CLASP2: variants seen among roughly 807,000 people sequenced by gnomAD.
CLASP2 encodes the protein cytoplasmic linker associated protein 2.
A neutral mutation model predicts 194.4 loss-of-function variants in CLASP2; 47 were observed. That is an observed-to-expected ratio of 0.24 (90% CI 0.19 to 0.31). CLASP2 has a LOEUF of 0.31. Among genes scored for constraint, CLASP2 ranks in the 10% least tolerant of loss-of-function variants. The probability of loss-of-function intolerance (pLI) is 1.00; values close to 1 mark genes in which losing one functional copy is unlikely to be tolerated. For missense variants in CLASP2, 1,445 were observed against 1,823.6 expected, an observed-to-expected ratio of 0.79 and a Z score of 3.78; for synonymous variants, 619 against 633.5, an observed-to-expected ratio of 0.98 and a Z score of 0.34.
chr3:33,534,374 G>A (rs9816463), intron 34 of CLASP2, among the ~76,000 whole-genome samples: 8,240 of 151,942 alleles, frequency 0.054, 712 homozygotes, highest in African/African-American at 0.19. Context: ...CCAGCCTAGG[G>A]AACATAGGGA....
At chr3:33,518,108 T>C (rs1254160993) in intron 34 of CLASP2, among the ~76,000 whole-genome samples, 1 of 152,264 alleles carries the variant, frequency 6.6e-6, no homozygotes, top group Non-Finnish European at 1.5e-5. Flanking sequence ...CTGATTATCC[T>C]GAAATACAGT....
intron 24 of CLASP2, among the ~76,000 whole-genome samples, chr3:33,573,778 T>C (rs1211882547): frequency 1.3e-5 from 2 of 152,162 alleles, no homozygotes; most frequent in Non-Finnish European, 2.9e-5. Flanking sequence ...ACATTTTCCA[T>C]GTATAAAGTT....
intron 34 of CLASP2, among the ~76,000 whole-genome samples, chr3:33,520,133 C>A (rs908761357): frequency 1.3e-5 from 2 of 152,160 alleles, no homozygotes; most frequent in Non-Finnish European, 2.9e-5. Context: ...CGTGCCTCAG[C>A]CTCCCAAGTA....
intron 35 of CLASP2, among the ~76,000 whole-genome samples, chr3:33,516,719 CTAA>C (rs1289120950): frequency 1.3e-5 from 2 of 152,128 alleles, no homozygotes; most frequent in African/African-American, 4.8e-5. Context: ...TCCTGAACAA[CTAA>C]TCTAAATATG....
chr3:33,513,045 G>A (rs141955426), intron 36 of CLASP2, among the ~76,000 whole-genome samples: 3 of 152,164 alleles, frequency 2.0e-5, no homozygotes, highest in East Asian at 1.9e-4. Context: ...TACACTGGAC[G>A]TTAGAAGACC....
chr3:33,671,851 G>C (rs902778165), intron 6 of CLASP2, among the ~76,000 whole-genome samples: 1 of 152,198 alleles, frequency 6.6e-6, no homozygotes, highest in Admixed American at 6.5e-5. Flanking sequence ...TAGCACAGCA[G>C]TCTGAGATCA....
At position 33,575,443 on chromosome 3, in the gene CLASP2, C is replaced by A. The variant is rs969985080; in HGVS notation, c.2454+726G>T. Among the ~76,000 whole-genome samples the A allele has an allele frequency of 2.6e-5, 4 of 152,086 alleles. No homozygotes were observed. The East Asian group carries it at 5.8e-4, about 22-fold the overall frequency. On this transcript the variant is annotated intron_variant, in intron 24 of 38. Transcript: ENST00000682230. ...TTCAAAACAAAGATGAGGCCTCTTA[C>A]AAGTTCTGGGTAAGAAGCTGAGTAA...
intron 10 of CLASP2, among the ~76,000 whole-genome samples, chr3:33,625,449 G>C (rs924675350): frequency 1.3e-5 from 2 of 150,754 alleles, no homozygotes; most frequent in African/African-American, 4.9e-5. Context: ...AAATATCTGA[G>C]CAACTATTTA....
chr3:33,684,487 CTT>C, intron 5 of CLASP2, 31 bp from the exon 6 acceptor site: 1 of 1,389,944 alleles, frequency 7.2e-7, no homozygotes, highest in Admixed American at 1.9e-5. Context: ...TTTTAATAAA[CTT>C]ATATATGATA....
At chr3:33,535,977 C>A (rs1309611085) in intron 33 of CLASP2, among the ~76,000 whole-genome samples, 4 of 149,950 alleles carry the variant, frequency 2.7e-5, no homozygotes, top group Non-Finnish European at 1.5e-5. Context: ...GGAAGGATGC[C>A]AAAAGAATTT....
At chr3:33,651,719 GTGTGATCTTGGCT>G (rs1212914458) in intron 7 of CLASP2, among the ~76,000 whole-genome samples, 1 of 148,702 alleles carries the variant, frequency 6.7e-6, no homozygotes, top group Non-Finnish European at 1.5e-5. Context: ...GAGTGCAATG[GTGTGATCTTGGCT>G]CACTGCAACC....
chr3:33,651,594 T>C (rs996232670), intron 7 of CLASP2, among the ~76,000 whole-genome samples: 9 of 151,972 alleles, frequency 5.9e-5, no homozygotes, highest in African/African-American at 1.9e-4. Flanking sequence ...TTGTCCTTTT[T>C]TTTTCTTTTT....
At chr3:33,570,823 T>G in intron 25 of CLASP2, 33 bp from the exon 26 acceptor site, 1 of 1,521,422 alleles carries the variant, frequency 6.6e-7, no homozygotes, top group Non-Finnish European at 8.9e-7. Flanking sequence ...AATTAATATC[T>G]TGCTGTAGCA....
chr3:33,531,768 TC>T (rs769954518), intron 34 of CLASP2, among the ~76,000 whole-genome samples: 19 of 152,114 alleles, frequency 1.2e-4, no homozygotes, highest in Non-Finnish European at 2.4e-4. Context: ...AGAGCGAAAC[TC>T]TGTCTCAAAA....
At chr3:33,672,517 A>C (rs1168872620) in intron 6 of CLASP2, among the ~76,000 whole-genome samples, 2 of 152,234 alleles carry the variant, frequency 1.3e-5, no homozygotes, top group Non-Finnish European at 2.9e-5. Flanking sequence ...GAAGAACTGG[A>C]AACTCTAAAA....
chr3:33,533,829 T>C (rs1465491832), intron 34 of CLASP2, among the ~76,000 whole-genome samples: 2 of 152,142 alleles, frequency 1.3e-5, no homozygotes, highest in Non-Finnish European at 1.5e-5. Flanking sequence ...GCGATTCTCC[T>C]GCCTCAGCTC....
At chr3:33,635,106 A>G (rs1016366022) in intron 8 of CLASP2, among the ~76,000 whole-genome samples, 54 of 151,806 alleles carry the variant, frequency 3.6e-4, no homozygotes, top group African/African-American at 1.3e-3. Flanking sequence ...ACCAAAAAAA[A>G]AAACCCAGCC....
At chr3:33,673,655 A>C (rs1027633035) in intron 6 of CLASP2, among the ~76,000 whole-genome samples, 1 of 152,254 alleles carries the variant, frequency 6.6e-6, no homozygotes, top group East Asian at 1.9e-4. Flanking sequence ...GGCAAACTGG[A>C]TAAAGACTCA....
intron 29 of CLASP2, among the ~76,000 whole-genome samples, chr3:33,557,004 C>T (rs1332511364): frequency 1.3e-5 from 2 of 152,110 alleles, no homozygotes; most frequent in East Asian, 1.9e-4. Flanking sequence ...GACCAAGTCT[C>T]ACTCTGTCTC....
Sources: gnomAD v4.1 joint callset for allele counts (sites outside exome capture counted in the v4.1 genomes callset) on GRCh38, gnomAD v4.1.1 for gene constraint, MANE v1.5 for transcripts, NCBI Gene and HGNC (gene_info 2026-07-23, HGNC 2026-07-21) for gene names.